Variants in CHRDL1 observed in about 807,000 individuals in gnomAD.
CHRDL1 encodes the protein chordin-like protein 1.
A neutral mutation model predicts 40.9 loss-of-function variants in CHRDL1; 19 were observed. The observed-to-expected ratio is 0.46, with a 90% CI of 0.32 to 0.68. The LOEUF is 0.68. Ranked by LOEUF, CHRDL1 falls within the 30% of genes least tolerant of loss-of-function variation. The pLI, the probability that CHRDL1 is intolerant of heterozygous loss-of-function variation, is 0.03. For missense variants in CHRDL1, 329 were observed against 352.1 expected (o/e 0.93, Z 0.53); for synonymous variants, 136 against 123.4 (o/e 1.10, Z -0.68).
At chrX:110,735,056 A>G (rs771231534) in intron 4 of CHRDL1, among the ~76,000 whole-genome samples, 11 of 111,068 alleles carry the variant, frequency 9.9e-5, no homozygotes, top group Non-Finnish European at 2.1e-4. Flanking sequence ...TGACCCTTTG[A>G]AATGGACAAA....
At chrX:110,707,424 G>A (rs1391431138) in intron 6 of CHRDL1, among the ~76,000 whole-genome samples, 1 of 111,425 alleles carries the variant, frequency 9.0e-6, no homozygotes, top group Non-Finnish European at 1.9e-5. Context: ...AAACAGCATG[G>A]TACTGGTACC....
intron 2 of CHRDL1, among the ~76,000 whole-genome samples, chrX:110,771,442 T>C (rs930833043): frequency 6.2e-5 from 7 of 112,329 alleles, no homozygotes; most frequent in African/African-American, 2.3e-4. Flanking sequence ...AACAAAATTT[T>C]AACAAACTAA....
intron 9 of CHRDL1, 42 bp downstream of exon 9, chrX:110,688,552 A>T: frequency 1.0e-6 from 1 of 952,887 alleles, no homozygotes; most frequent in Non-Finnish European, 1.5e-6. Flanking sequence ...AGACTAGGTG[A>T]GAATCTCAGT....
intron 4 of CHRDL1, among the ~76,000 whole-genome samples, chrX:110,732,659 TA>T (rs1223406711): frequency 9.0e-6 from 1 of 111,039 alleles, no homozygotes; most frequent in Non-Finnish European, 1.9e-5. Context: ...CCTGCCTGAA[TA>T]TGCCGTCTTG....
In CHRDL1 at chrX:110,759,752, A is replaced by G; in HGVS notation, c.210T>C (p.Asn70=). ...TGACTCGGCTGCAAAGCACATTCCC[A>G]TTCTGAAAAAGAGAAGGCAATGAGA... is the stretch of plus-strand genomic sequence containing the variant. The part of the protein sequence containing the change: ...VYCVNCICSE[N]GNVLCSRVRC... Residue 70 remains asparagine, a splice_region_variant and synonymous_variant, in exon 4 of 12, where the codon AAT becomes AAC. Transcript: ENST00000372042. The G allele has an allele frequency of 1.7e-6, 2 of 1,183,559 alleles. No individual in the cohort carries two copies. Among genetic ancestry groups the G allele is most frequent in the Non-Finnish European group, 2.3e-6 (2 of 869,747 alleles).
At chrX:110,721,096 A>G (rs2070942834) in intron 5 of CHRDL1, among the ~76,000 whole-genome samples, 1 of 111,620 alleles carries the variant, frequency 9.0e-6, no homozygotes, top group Non-Finnish European at 1.9e-5. Flanking sequence ...CTTTGGTGGT[A>G]TAATTATTAT....
At chrX:110,686,893 A>AAC (rs2070030928) in intron 9 of CHRDL1, among the ~76,000 whole-genome samples, 2 of 102,179 alleles carry the variant, frequency 2.0e-5, no homozygotes, top group Admixed American at 1.0e-4. Context: ...CAAAAAAACA[A>AAC]AAAATAAAAA....
intron 4 of CHRDL1, among the ~76,000 whole-genome samples, chrX:110,754,146 T>C (rs1443208949): frequency 8.9e-6 from 1 of 112,172 alleles, no homozygotes; most frequent in African/African-American, 3.2e-5. Flanking sequence ...TTCTCCGTGA[T>C]CTTTGTGCAA....
chrX:110,715,980 A>G (rs963298117), intron 6 of CHRDL1, among the ~76,000 whole-genome samples: 3 of 112,680 alleles, frequency 2.7e-5, no homozygotes, highest in Non-Finnish European at 5.6e-5. Flanking sequence ...ACATGTATGG[A>G]AAGATCCAGG....
chrX:110,757,869 A>G (rs764710544), intron 4 of CHRDL1, among the ~76,000 whole-genome samples: 10 of 110,233 alleles, frequency 9.1e-5, no homozygotes, highest in Non-Finnish European at 1.3e-4. Flanking sequence ...CTTTTTCTCA[A>G]TACTTGCTTC....
In CHRDL1 at chrX:110,759,497, T is replaced by C. The variant is rs532467019; in HGVS notation, c.301+164A>G. ...TTATTAGAGCCTAGAATGTACCCCA[T>C]TTGGGCTATAAAAAGTATTTAGAGG... On this transcript the variant is annotated intron_variant, in intron 4 of 11. Coordinates refer to ENST00000372042, the MANE Select transcript of CHRDL1 (RefSeq NM_001143981.2). Among the ~76,000 whole-genome samples, 7 of 112,305 alleles carry C rather than the reference T, an allele frequency of 6.2e-5. No homozygotes were observed. In the South Asian group the frequency reaches 2.6e-3, roughly 42 times the overall value.
intron 4 of CHRDL1, among the ~76,000 whole-genome samples, chrX:110,756,699 A>T (rs1233199366): frequency 9.6e-6 from 1 of 104,237 alleles, no homozygotes; most frequent in African/African-American, 4.2e-5. Context: ...ACAAAAACAA[A>T]AACAAACAAA....
chrX:110,709,586 A>T (rs1040881876), intron 6 of CHRDL1, among the ~76,000 whole-genome samples: 3 of 112,537 alleles, frequency 2.7e-5, no homozygotes, highest in Admixed American at 9.4e-5. Context: ...CCAATTTTTT[A>T]AAAAAGAGTT....
Position 110,679,395 on chromosome X carries a change from A to T in CHRDL1, c.1187T>A (p.Ile396Asn). Residue 396 changes from isoleucine (I) to asparagine (N), a missense_variant, in exon 11 of 12, where the codon ATC becomes AAC. By Grantham distance (149) the Ile-to-Asn change is moderately radical (BLOSUM62 -3). Transcript: ENST00000372042. ...GILQHFHIEKISKRMFEELPH... is the reference protein window; with the variant it reads ...GILQHFHIEKNSKRMFEELPH... ...AAGCTCCTCAAACATCCTCTTGGAGATCTTCTCAATATGGAAGTGCTGGAG... is the reference window on the plus strand; with the variant it reads ...AAGCTCCTCAAACATCCTCTTGGAGTTCTTCTCAATATGGAAGTGCTGGAG... The T allele has an allele frequency of 8.3e-7, 1 of 1,208,340 alleles. No homozygotes were observed. The highest frequency in any genetic ancestry group is 1.1e-6 in the Non-Finnish European group (1 of 892,293).
chrX:110,689,204 C>T (rs2070102120), intron 8 of CHRDL1, among the ~76,000 whole-genome samples: 1 of 96,542 alleles, frequency 1.0e-5, no homozygotes, highest in African/African-American at 3.8e-5. Flanking sequence ...GGCAATCCTT[C>T]TACATCAGCC....
At chrX:110,754,712 C>T (rs2089422084) in intron 4 of CHRDL1, among the ~76,000 whole-genome samples, 1 of 111,556 alleles carries the variant, frequency 9.0e-6, no homozygotes, top group African/African-American at 3.3e-5. Context: ...CAAAAGGAAA[C>T]ACTGTGGATT....
At position 110,673,993 on chromosome X, in the gene CHRDL1, CAT is replaced by C. The variant is rs1437195322; in HGVS notation, c.*2236_*2237del. 1 of 112,469 alleles carries C rather than the reference CAT, an allele frequency of 8.9e-6. No homozygotes were observed. Among genetic ancestry groups the C allele is most frequent in the East Asian group, 2.8e-4 (1 of 3,580 alleles). 9.3% of individuals were successfully genotyped at this position (112,469 alleles called of 1,213,427 possible). A position where few individuals can be genotyped will look rare whatever the true frequency, so the allele number is the denominator to read the frequency against. On this transcript the variant is annotated 3_prime_UTR_variant, in exon 12 of 12. Coordinates refer to ENST00000372042, the MANE Select transcript of CHRDL1 (RefSeq NM_001143981.2). ...CTGTTATGTTACTCTTACTTGTTTA[CAT>C]GAGTTAACTAGAAAATGGCTACAAC...
In CHRDL1 at chrX:110,689,524, C is replaced by CTATATATCTATATA. The variant is rs1168072528; in HGVS notation, c.779-722_779-721insTATATAGATATATA. Among the ~76,000 whole-genome samples, 88 of 22,802 alleles carry CTATATATCTATATA rather than the reference C, an allele frequency of 3.9e-3. 3 individuals carry two copies. The highest frequency in any genetic ancestry group is 0.035 in the African/African-American group (56 of 1,623). The allele number at this position is 22,802 out of a possible 115,157, so 19.8% of individuals were successfully genotyped here. On this transcript the variant is annotated intron_variant, in intron 8 of 11. Transcript: ENST00000372042. ...TCTATATATCTATATCTCTATATAT[C>CTATATATCTATATA]TATCTATATATCTCTATATCTCTAT...
chrX:110,694,480 G>C, intron 7 of CHRDL1, 149 bp from the exon 8 acceptor site: 1 of 392,175 alleles, frequency 2.5e-6, no homozygotes. Flanking sequence ...TAGAAATAGG[G>C]ATGTGGTCAT....
Sources: gnomAD v4.1 joint callset for allele counts (sites outside exome capture counted in the v4.1 genomes callset) on GRCh38, gnomAD v4.1.1 for gene constraint, MANE v1.5 for transcripts, NCBI Gene and HGNC (gene_info 2026-07-23, HGNC 2026-07-21) for gene names.